ARL15: variants seen among roughly 807,000 people sequenced by gnomAD.
The protein encoded by ARL15 is ADP-ribosylation factor-like protein 15.
ARL15 carries 19 observed loss-of-function variants against 25.2 expected under a neutral mutation model. The observed-to-expected ratio is 0.75, with a 90% CI of 0.53 to 1.10. The LOEUF (loss-of-function observed/expected upper bound fraction) is 1.10, where lower values mean the gene tolerates loss of function less well. ARL15 is among the 50% of genes least tolerant of loss of function. The pLI is 0.00. For synonymous variants in ARL15, 94 were observed against 86.8 expected (o/e 1.08, Z -0.46); for missense variants, 220 against 246.0 (o/e 0.89, Z 0.71).
At chr5:54,285,046 G>C (rs745788131) in intron 1 of ARL15, among the ~76,000 whole-genome samples, 2 of 152,126 alleles carry the variant, frequency 1.3e-5, no homozygotes, top group Non-Finnish European at 1.5e-5. Flanking sequence ...TGGAATGAAG[G>C]ATAAGTAGTT....
At chr5:54,144,035 T>C (rs1753839786) in intron 3 of ARL15, among the ~76,000 whole-genome samples, 1 of 152,022 alleles carries the variant, frequency 6.6e-6, no homozygotes, top group Admixed American at 6.6e-5. Context: ...CCATCTTCCA[T>C]GTTAAAATCA....
intron 4 of ARL15, among the ~76,000 whole-genome samples, chr5:53,957,963 A>C (rs1388502692): frequency 2.6e-5 from 4 of 152,172 alleles, no homozygotes; most frequent in African/African-American, 9.6e-5. Flanking sequence ...TAATCCCAGC[A>C]CTTTGGGAGG....
intron 4 of ARL15, among the ~76,000 whole-genome samples, chr5:53,893,481 G>A (rs1230293669): frequency 1.3e-5 from 2 of 152,118 alleles, no homozygotes; most frequent in Admixed American, 6.5e-5. Context: ...GGTGGTGGGC[G>A]CCTGTAGTCC....
chr5:54,189,442 C>T (rs1363175063), intron 1 of ARL15, among the ~76,000 whole-genome samples: 1 of 152,080 alleles, frequency 6.6e-6, no homozygotes, highest in African/African-American at 2.4e-5. Flanking sequence ...AGCATAAACA[C>T]AGACATATAG....
intron 4 of ARL15, among the ~76,000 whole-genome samples, chr5:54,076,691 C>T (rs748734791): frequency 1.3e-5 from 2 of 152,018 alleles, no homozygotes. Flanking sequence ...AATGGTACTA[C>T]GTTCTAATAG....
chr5:54,071,985 AAAAAAAAAAAG>A (rs1223225171), intron 4 of ARL15, among the ~76,000 whole-genome samples: 1 of 151,508 alleles, frequency 6.6e-6, no homozygotes, highest in East Asian at 1.9e-4. Flanking sequence ...AAAAGAAAAA[AAAAAAAAAAAG>A]AAAAAAAAAG....
chr5:53,966,432 G>C (rs1747569301), intron 4 of ARL15, among the ~76,000 whole-genome samples: 1 of 152,202 alleles, frequency 6.6e-6, no homozygotes, highest in African/African-American at 2.4e-5. Flanking sequence ...GTTTCCCTGA[G>C]TTCTGTGTGC....
chr5:54,052,301 T>C (rs1348528125), intron 4 of ARL15, among the ~76,000 whole-genome samples: 1 of 152,034 alleles, frequency 6.6e-6, no homozygotes, highest in Non-Finnish European at 1.5e-5. Context: ...AACTAGAAAG[T>C]CGGGGAAGCC....
At chr5:54,156,230 A>G (rs151804) in intron 2 of ARL15, among the ~76,000 whole-genome samples, 31,985 of 152,162 alleles carry the variant, frequency 0.21, 4,272 homozygotes, top group Admixed American at 0.34. Flanking sequence ...CATAGTATAT[A>G]ATGTTTGAAG....
intron 1 of ARL15, among the ~76,000 whole-genome samples, chr5:54,292,811 A>C (rs1758367952): frequency 6.6e-6 from 1 of 152,140 alleles, no homozygotes; most frequent in Non-Finnish European, 1.5e-5. Flanking sequence ...TGTTTCTCAT[A>C]TTAAAAAAAC....
intron 3 of ARL15, among the ~76,000 whole-genome samples, chr5:54,134,884 G>T (rs1202336575): frequency 6.6e-6 from 1 of 152,030 alleles, no homozygotes; most frequent in Non-Finnish European, 1.5e-5. Context: ...CGCCCAGCTG[G>T]AATGATTACA....
At chr5:54,126,691 A>C (rs1056251384) in intron 3 of ARL15, among the ~76,000 whole-genome samples, 5 of 152,210 alleles carry the variant, frequency 3.3e-5, no homozygotes, top group Non-Finnish European at 7.4e-5. Flanking sequence ...TCAGGCTGTC[A>C]GTTCAATCTC....
intron 1 of ARL15, among the ~76,000 whole-genome samples, chr5:54,240,587 T>C (rs1045128754): frequency 6.6e-6 from 1 of 152,178 alleles, no homozygotes; most frequent in African/African-American, 2.4e-5. Flanking sequence ...CCCTGCCATC[T>C]AGACTAGGAA....
At chr5:54,200,025 TCAGTA>T (rs1447690240) in intron 1 of ARL15, among the ~76,000 whole-genome samples, 1 of 151,218 alleles carries the variant, frequency 6.6e-6, no homozygotes, top group Non-Finnish European at 1.5e-5. Context: ...ATCATCACTC[TCAGTA>T]AACTATTCCA....
intron 4 of ARL15, among the ~76,000 whole-genome samples, chr5:54,037,366 A>G (rs974617527): frequency 6.6e-6 from 1 of 152,114 alleles, no homozygotes; most frequent in Non-Finnish European, 1.5e-5. Context: ...TCCAAGATAA[A>G]GAAAAAGTTT....
chr5:53,996,918 T>C (rs1423401095), intron 4 of ARL15, among the ~76,000 whole-genome samples: 1 of 152,204 alleles, frequency 6.6e-6, no homozygotes, highest in Non-Finnish European at 1.5e-5. Context: ...TCTAAAATTA[T>C]AATCTTCCTA....
At chr5:54,288,067 C>A (rs1274395353) in intron 1 of ARL15, among the ~76,000 whole-genome samples, 1 of 151,900 alleles carries the variant, frequency 6.6e-6, no homozygotes, top group Non-Finnish European at 1.5e-5. Flanking sequence ...GTATGAATAA[C>A]AAGAAACTAT....
intron 1 of ARL15, among the ~76,000 whole-genome samples, chr5:54,275,191 G>C (rs1249271315): frequency 6.6e-6 from 1 of 152,178 alleles, no homozygotes; most frequent in Non-Finnish European, 1.5e-5. Flanking sequence ...GGGCAACACT[G>C]ATTCTCTGCC....
chr5:54,234,141 G>A (rs965819352), intron 1 of ARL15, among the ~76,000 whole-genome samples: 9 of 151,902 alleles, frequency 5.9e-5, no homozygotes, highest in African/African-American at 1.9e-4. Flanking sequence ...GATTATAGGC[G>A]CGTGCCACCA....
Sources: allele counts gnomAD v4.1 joint callset (sites outside exome capture counted in the v4.1 genomes callset), GRCh38; gene constraint gnomAD v4.1.1; transcripts MANE v1.5; gene names NCBI Gene and HGNC (gene_info 2026-07-23, HGNC 2026-07-21).